The following SLIT2 variants were observed in gnomAD, a reference collection of about 807,000 sequenced individuals.
SLIT2 encodes the protein slit guidance ligand 2, also known as slit homolog 2 protein.
A neutral mutation model predicts 185.7 loss-of-function variants in SLIT2; 41 were observed. The ratio of observed to expected loss-of-function variants is 0.22; its 90% CI spans 0.17 to 0.29. The LOEUF is 0.29. Ranked by LOEUF, SLIT2 falls within the 10% of genes least tolerant of loss-of-function variation. The probability of loss-of-function intolerance (pLI) is 1.00; values close to 1 mark genes in which losing one functional copy is unlikely to be tolerated. For synonymous variants in SLIT2, 693 were observed against 680.2 expected (o/e 1.02, Z -0.29); for missense variants, 1,571 against 1,909.0 (o/e 0.82, Z 3.30).
chr4:20,321,758 A>G (rs78725358), intron 4 of SLIT2, among the ~76,000 whole-genome samples: 4,547 of 152,150 alleles, frequency 0.03, 209 homozygotes, highest in African/African-American at 0.1. Flanking sequence ...TCTATTAGTC[A>G]CTTTCATTTT....
At chr4:20,383,742 G>T (rs1373220711) in intron 4 of SLIT2, among the ~76,000 whole-genome samples, 1 of 151,990 alleles carries the variant, frequency 6.6e-6, no homozygotes, top group Non-Finnish European at 1.5e-5. Context: ...ACTCTGTGTT[G>T]CCCAGGCTGG....
intron 26 of SLIT2, among the ~76,000 whole-genome samples, chr4:20,565,485 T>C (rs931061723): frequency 2.6e-5 from 4 of 152,068 alleles, no homozygotes; most frequent in Non-Finnish European, 4.4e-5. Flanking sequence ...CTGCTTTCAC[T>C]GTCACCATTC....
intron 30 of SLIT2, among the ~76,000 whole-genome samples, chr4:20,590,980 G>T (rs2148950510): frequency 6.6e-6 from 1 of 152,276 alleles, no homozygotes; most frequent in South Asian, 2.1e-4. Context: ...GTAGCAAATA[G>T]GCTGGATTCT....
intron 4 of SLIT2, among the ~76,000 whole-genome samples, chr4:20,442,724 C>T (rs1036078643): frequency 6.6e-6 from 1 of 151,874 alleles, no homozygotes; most frequent in African/African-American, 2.4e-5. Context: ...TTTTCGTGTT[C>T]GGTGATGAGA....
chr4:20,380,721 G>A (rs759722766), intron 4 of SLIT2, among the ~76,000 whole-genome samples: 13 of 152,050 alleles, frequency 8.5e-5, no homozygotes, highest in African/African-American at 1.2e-4. Flanking sequence ...ATAAAAAAAT[G>A]AAGCAGAAAA....
At chr4:20,472,342 A>ATATCTATATC (rs1715291252) in intron 5 of SLIT2, among the ~76,000 whole-genome samples, 1 of 69,252 alleles carries the variant, frequency 1.4e-5, no homozygotes, top group African/African-American at 7.0e-5. Flanking sequence ...ATAGATCTAT[A>ATATCTATATC]TATAGATATA....
intron 33 of SLIT2, among the ~76,000 whole-genome samples, chr4:20,607,333 T>C (rs1371597703): frequency 1.3e-5 from 2 of 152,214 alleles, no homozygotes; most frequent in Non-Finnish European, 1.5e-5. Context: ...GGTCTTGTCT[T>C]AAACATGCTT....
chr4:20,300,911 G>T (rs1716979951), intron 4 of SLIT2, among the ~76,000 whole-genome samples: 1 of 147,858 alleles, frequency 6.8e-6, no homozygotes, highest in African/African-American at 2.5e-5. Context: ...GTTTGATTTT[G>T]AAAAAAAAAT....
chr4:20,547,048 A>C (rs1296947665), intron 22 of SLIT2, among the ~76,000 whole-genome samples: 1 of 152,126 alleles, frequency 6.6e-6, no homozygotes, highest in Non-Finnish European at 1.5e-5. Flanking sequence ...TACATGCCCC[A>C]ATGTAAACTA....
At chr4:20,515,920 A>AT (rs1205006455) in intron 11 of SLIT2, among the ~76,000 whole-genome samples, 1 of 152,106 alleles carries the variant, frequency 6.6e-6, no homozygotes, top group Non-Finnish European at 1.5e-5. Flanking sequence ...GATGCAACTG[A>AT]TTCTCCTGCC....
chr4:20,404,397 T>A (rs141593092), intron 4 of SLIT2, among the ~76,000 whole-genome samples: 1 of 151,958 alleles, frequency 6.6e-6, no homozygotes, highest in Non-Finnish European at 1.5e-5. Flanking sequence ...CTGATTCACA[T>A]CTCTGCTCTA....
At position 20,601,011 on chromosome 4, in the gene SLIT2, G is replaced by A. The variant is rs146333002; in HGVS notation, c.3692+2616G>A. ...AAGAAAAAAGAAGGAAGACAGGAAG[G>A]AAATGTAAGGAAGAACAAGTTCAAA... On this transcript the variant is annotated intron_variant, in intron 33 of 36. Coordinates refer to ENST00000504154, the MANE Select transcript of SLIT2 (RefSeq NM_004787.4). 3.6e-3 allele frequency among the ~76,000 whole-genome samples: 540 copies of A among 152,038 alleles called. 3 individuals carry two copies. Among genetic ancestry groups the A allele is most frequent in the African/African-American group, 0.013 (523 of 41,484 alleles).
At chr4:20,503,347 A>G (rs926349887) in intron 9 of SLIT2, among the ~76,000 whole-genome samples, 6 of 152,156 alleles carry the variant, frequency 3.9e-5, no homozygotes, top group Admixed American at 1.3e-4. Flanking sequence ...TGATTTTTGT[A>G]ATTTTTTAAA....
chr4:20,542,812 C>CTGTGTGTG (rs753747459), intron 21 of SLIT2, among the ~76,000 whole-genome samples, 186 bp downstream of exon 21: 95 of 111,052 alleles, frequency 8.6e-4, no homozygotes, highest in African/African-American at 1.2e-3. Context: ...TTGGGAATTG[C>CTGTGTGTG]TGTGTGTGTG....
chr4:20,492,351 C>G (rs1475978681), intron 9 of SLIT2, among the ~76,000 whole-genome samples: 4 of 152,142 alleles, frequency 2.6e-5, no homozygotes, highest in African/African-American at 9.7e-5. Context: ...TAGTTCAATG[C>G]AAAGTGAAGA....
intron 4 of SLIT2, among the ~76,000 whole-genome samples, chr4:20,427,670 CTTTTTTT>C (rs909558402): frequency 4.9e-4 from 62 of 126,744 alleles, no homozygotes; most frequent in Non-Finnish European, 6.4e-4. Context: ...AATTTGCATT[CTTTTTTT>C]TTTTTTTTTT....
intron 4 of SLIT2, among the ~76,000 whole-genome samples, chr4:20,449,960 GT>G (rs34382183): frequency 0.74 from 111,364 of 151,060 alleles, 41,218 homozygotes; most frequent in African/African-American, 0.8. Context: ...ACAGCTCAGT[GT>G]TTTTTTTTTC....
chr4:20,474,001 T>G (rs1715839526), intron 5 of SLIT2, among the ~76,000 whole-genome samples: 1 of 151,858 alleles, frequency 6.6e-6, no homozygotes, highest in Admixed American at 6.6e-5. Context: ...CCTAGCTCTT[T>G]CCTAGAGTAT....
rs56256520 is a variant in SLIT2, at chr4:20,463,448, G to GATATATAT, written c.396-4267_396-4260dup. Among the ~76,000 whole-genome samples, 332 of 67,190 alleles carry GATATATAT rather than the reference G, an allele frequency of 4.9e-3. 1 individual carries two copies. Among genetic ancestry groups the GATATATAT allele is most frequent in the Middle Eastern group, 9.4e-3 (1 of 106 alleles). The allele number at this position is 67,190 out of a possible 152,430, so 44.1% of individuals were successfully genotyped here. The stretch of plus-strand genomic sequence containing the variant: ...ACTATCTTCATTGACCTCAAACTGT[G>GATATATAT]ATATATATATATATATATATATATA... On this transcript the variant is annotated intron_variant, in intron 4 of 36. Coordinates refer to ENST00000504154, the MANE Select transcript of SLIT2 (RefSeq NM_004787.4).
Sources: gnomAD v4.1 joint callset for allele counts (sites outside exome capture counted in the v4.1 genomes callset) on GRCh38, gnomAD v4.1.1 for gene constraint, MANE v1.5 for transcripts, NCBI Gene and HGNC (gene_info 2026-07-23, HGNC 2026-07-21) for gene names.